Variants in CC2D2B observed in about 807,000 individuals in gnomAD.
CC2D2B encodes protein CC2D2B.
CC2D2B carries 128 observed loss-of-function variants against 161.2 expected under a neutral mutation model. That is an observed-to-expected ratio of 0.79 (90% CI 0.69 to 0.92). The LOEUF is 0.92. Among genes scored for constraint, CC2D2B ranks in the 40% least tolerant of loss-of-function variants. The pLI, the probability that CC2D2B is intolerant of heterozygous loss-of-function variation, is 0.00. For synonymous variants in CC2D2B, 391 were observed against 449.8 expected, an observed-to-expected ratio of 0.87 and a Z score of 1.65; for missense variants, 1,173 against 1,375.1, an observed-to-expected ratio of 0.85 and a Z score of 2.32.
At chr10:96,024,420 A>G (rs2079603016) in intron 32 of CC2D2B, among the ~76,000 whole-genome samples, 1 of 152,220 alleles carries the variant, frequency 6.6e-6, no homozygotes, top group African/African-American at 2.4e-5. Flanking sequence ...CTTTACATGT[A>G]TTACTTTATT....
intron 25 of CC2D2B, 40 bp from the exon 26 acceptor site, chr10:96,009,785 T>A (rs993514565): frequency 1.2e-6 from 1 of 866,862 alleles, no homozygotes; most frequent in Non-Finnish European, 1.8e-6. Flanking sequence ...ATTCATCACA[T>A]GATATTAAGT....
In CC2D2B at chr10:96,012,293, T is replaced by C. The variant is rs1190612280; in HGVS notation, c.3154T>C (p.Cys1052Arg). ...TTCCAATGAGCAGAATTTAAAAGAA[T>C]GTACATTCTTAAATATTTTTGCTAC... The part of the protein sequence containing the change: ...EDSNEQNLKE[C>R]TFLNIFATIE... Residue 1052 changes from cysteine to arginine, a missense_variant, in exon 27 of 35, where the codon TGT becomes CGT. Coordinates refer to ENST00000646931, the MANE Select transcript of CC2D2B (RefSeq NM_001349008.3). 4.2e-6 allele frequency: 3 copies of C among 713,638 alleles called. No individual in the cohort carries two copies. The highest frequency in any genetic ancestry group is 7.8e-6 in the Non-Finnish European group (3 of 384,336). 44.2% of individuals were successfully genotyped at this position (713,638 alleles called of 1,614,324 possible). A position where few individuals can be genotyped will look rare whatever the true frequency, so the allele number is the denominator to read the frequency against.
At chr10:95,912,860 T>C (rs898687868) in intron 2 of CC2D2B, among the ~76,000 whole-genome samples, 1 of 152,166 alleles carries the variant, frequency 6.6e-6, no homozygotes, top group Non-Finnish European at 1.5e-5. Context: ...TATATAGGTA[T>C]GGGGTACATG....
At chr10:96,026,897 C>G (rs535034307) in intron 33 of CC2D2B, among the ~76,000 whole-genome samples, 3 of 152,084 alleles carry the variant, frequency 2.0e-5, no homozygotes, top group Admixed American at 2.0e-4. Flanking sequence ...CCGAGGAGGG[C>G]GGATCACCTG....
intron 17 of CC2D2B, among the ~76,000 whole-genome samples, chr10:95,974,514 G>A (rs2077248320): frequency 6.6e-6 from 1 of 152,122 alleles, no homozygotes; most frequent in South Asian, 2.1e-4. Flanking sequence ...CATTCTGGGA[G>A]TTCCCAGAAG....
chr10:95,998,799 A>G (rs1304972936), intron 24 of CC2D2B, among the ~76,000 whole-genome samples: 1 of 152,138 alleles, frequency 6.6e-6, no homozygotes, highest in East Asian at 1.9e-4. Flanking sequence ...CTCAAAGTCA[A>G]CTGGCTTAAA....
chr10:96,032,005 A>G lies in CC2D2B; in HGVS notation c.4311A>G (p.Gln1437=). Residue 1437 remains glutamine (Q), a synonymous_variant, in exon 35 of 35, where the codon CAA becomes CAG. Transcript: ENST00000646931. ...ATTTGGCTTCCTTAGTTCAACATCA[A>G]TGAAAAGGAAGCAGAGCAAAGTAAA... ...WVYLASLVQH[Q] is the part of the protein sequence containing the mutation. 1 of 1,610,794 alleles carries G rather than the reference A, an allele frequency of 6.2e-7. No homozygotes were observed. Among genetic ancestry groups the G allele is most frequent in the Non-Finnish European group, 8.5e-7 (1 of 1,177,692 alleles).
At position 96,027,204 on chromosome 10, in the gene CC2D2B, T is replaced by C. The variant is rs2079821887; in HGVS notation, c.3948-8T>C. The C allele has an allele frequency of 6.7e-7, 1 of 1,502,076 alleles. No individual in the cohort carries two copies. The highest frequency in any genetic ancestry group is 8.9e-7 in the Non-Finnish European group (1 of 1,121,618). The allele number at this position is 1,502,076 out of a possible 1,614,324, so 93.0% of individuals were successfully genotyped here. ...TGTCATAAAATTACCTTTGGATTCT[T>C]ACCTTAGGATCGAAAGGACTCTGAA... On this transcript the variant is annotated splice_polypyrimidine_tract_variant and splice_region_variant and intron_variant, in intron 33 of 34. Coordinates refer to ENST00000646931, the MANE Select transcript of CC2D2B (RefSeq NM_001349008.3).
chr10:95,989,249 A>G (rs573613730), intron 20 of CC2D2B, among the ~76,000 whole-genome samples: 12 of 152,154 alleles, frequency 7.9e-5, no homozygotes, highest in Non-Finnish European at 1.5e-4. Context: ...AAGTAACCAA[A>G]TCACTGAGTC....
rs1450560695 is a variant in CC2D2B, at chr10:96,032,604, A to C, written c.*596A>C. ...CAGATGGAAGCTGCTCGAGTGGAAA[A>C]CTAAGGTCATTGCCTCTCATGGATA... On this transcript the variant is annotated 3_prime_UTR_variant, in exon 35 of 35. Transcript: ENST00000646931. The C allele has an allele frequency of 6.1e-6, 2 of 330,120 alleles. No homozygotes were observed. Among genetic ancestry groups the C allele is most frequent in the Non-Finnish European group, 1.2e-5 (2 of 162,030 alleles). The allele number at this position is 330,120 out of a possible 1,614,324, so 20.4% of individuals were successfully genotyped here. A position where few individuals can be genotyped will look rare whatever the true frequency, so the allele number is the denominator to read the frequency against.
Position 96,032,334 on chromosome 10 carries a change from T to C in CC2D2B, c.*326T>C, listed in dbSNP as rs542939165. ...TCTCCTAAGACCAATGTTTCTCAAA[T>C]TGTAGAATTCACACCACCTCCATTT... is the stretch of plus-strand genomic sequence containing the variant. On this transcript the variant is annotated 3_prime_UTR_variant, in exon 35 of 35. Coordinates refer to ENST00000646931, the MANE Select transcript of CC2D2B (RefSeq NM_001349008.3). The C allele has an allele frequency of 4.3e-6, 1 of 232,938 alleles. No individual in the cohort carries two copies. The highest frequency in any genetic ancestry group is 2.2e-5 in the African/African-American group (1 of 44,858). The allele number at this position is 232,938 out of a possible 1,614,324, so 14.4% of individuals were successfully genotyped here.
intron 2 of CC2D2B, among the ~76,000 whole-genome samples, chr10:95,912,087 C>G (rs190037137): frequency 1.0e-3 from 155 of 152,212 alleles, no homozygotes; most frequent in African/African-American, 3.5e-3. Context: ...GTGATCATGT[C>G]AATAGCCTGC....
Position 95,983,821 on chromosome 10 carries a change from C to G in CC2D2B, c.2286+12C>G. 8.7e-7 allele frequency: 1 copy of G among 1,144,068 alleles called. No individual in the cohort carries two copies. Among genetic ancestry groups the G allele is most frequent in the Non-Finnish European group, 1.1e-6 (1 of 907,732 alleles). The allele number at this position is 1,144,068 out of a possible 1,614,324, so 70.9% of individuals were successfully genotyped here. A position where few individuals can be genotyped will look rare whatever the true frequency, so the allele number is the denominator to read the frequency against. ...ATTTAGTCTTCCAGGTATTTGGTTT[C>G]TATTTGAATATGGCTTATTGTATGA... On this transcript the variant is annotated intron_variant, in intron 19 of 34. Coordinates refer to ENST00000646931, the MANE Select transcript of CC2D2B (RefSeq NM_001349008.3).
rs116998840 is a variant in CC2D2B, at chr10:95,912,530, G to A, written c.36+1171G>A. 7.6e-3 allele frequency among the ~76,000 whole-genome samples: 1,162 copies of A among 152,204 alleles called. 8 individuals carry two copies. Among genetic ancestry groups the A allele is most frequent in the Non-Finnish European group, 0.013 (869 of 67,990 alleles). The stretch of plus-strand genomic sequence containing the variant: ...GATATGAAGAGGTATGACCATTGAA[G>A]GATACAGAAATAAGTGGCCACAGAG... On this transcript the variant is annotated intron_variant, in intron 2 of 34. Coordinates refer to ENST00000646931, the MANE Select transcript of CC2D2B (RefSeq NM_001349008.3).
chr10:95,977,254 A>T (rs2077352666), intron 17 of CC2D2B, among the ~76,000 whole-genome samples: 1 of 152,166 alleles, frequency 6.6e-6, no homozygotes, highest in Non-Finnish European at 1.5e-5. Flanking sequence ...ACACGCATGT[A>T]GTCCCAGCTA....
At chr10:95,925,904 G>A (rs779889270) in intron 5 of CC2D2B, among the ~76,000 whole-genome samples, 43 of 152,150 alleles carry the variant, frequency 2.8e-4, no homozygotes, top group Non-Finnish European at 5.4e-4. Context: ...TGTGGAAGAA[G>A]TGTCTAGGTT....
At chr10:95,991,490 A>G (rs902977993) in intron 21 of CC2D2B, 29 bp downstream of exon 21, 53 of 635,170 alleles carry the variant, frequency 8.3e-5, no homozygotes, top group African/African-American at 7.0e-4. Flanking sequence ...TAAGTATGAA[A>G]TATAAACCTT....
At chr10:95,928,212 ATTG>A (rs1197666499) in intron 6 of CC2D2B, among the ~76,000 whole-genome samples, 2 of 140,928 alleles carry the variant, frequency 1.4e-5, no homozygotes, top group Non-Finnish European at 3.0e-5. Context: ...TCGTTTTGTT[ATTG>A]TTGTTTTTTG....
At chr10:95,916,476 C>T (rs538887526) in intron 2 of CC2D2B, among the ~76,000 whole-genome samples, 188 of 151,858 alleles carry the variant, frequency 1.2e-3, no homozygotes, top group Non-Finnish European at 2.2e-3. Flanking sequence ...TTCTTTAAGA[C>T]GCATCATTAG....
Sources: allele counts gnomAD v4.1 joint callset (sites outside exome capture counted in the v4.1 genomes callset), GRCh38; gene constraint gnomAD v4.1.1; transcripts MANE v1.5; gene names NCBI Gene and HGNC (gene_info 2026-07-23, HGNC 2026-07-21).